The following CAMK2G variants were observed in gnomAD, a reference collection of about 807,000 sequenced individuals.
The protein encoded by CAMK2G is calcium/calmodulin dependent protein kinase II gamma, also known as calcium/calmodulin-dependent protein kinase type II subunit gamma.
Under a neutral mutation model 88.7 loss-of-function variants are expected in CAMK2G, and 23 were observed. That is an observed-to-expected ratio of 0.26 (90% CI 0.19 to 0.37). CAMK2G has a LOEUF of 0.37. CAMK2G is among the 10% of genes least tolerant of loss of function. CAMK2G has a pLI of 1.00. For missense variants in CAMK2G, 476 were observed against 780.8 expected (o/e 0.61, Z 4.65); for synonymous variants, 263 against 294.8 (o/e 0.89, Z 1.11).
chr10:73,816,233 C>G lies in CAMK2G; in HGVS notation c.1534+790G>C, dbSNP rs1245928878. 3.0e-6 allele frequency: 3 copies of G among 988,218 alleles called. No individual in the cohort carries two copies. In the African/African-American group the frequency reaches 5.2e-5, roughly 17 times the overall value. The allele number at this position is 988,218 out of a possible 1,614,324, so 61.2% of individuals were successfully genotyped here. ...ACTGTCCAGAATGTACACCCCACCC[C>G]CTATACAAGACGTCTGCCTTCCTCC... On this transcript the variant is annotated intron_variant, in intron 21 of 22. Transcript: ENST00000423381.
chr10:73,858,946 G>A lies in CAMK2G; in HGVS notation c.220+1884C>T, dbSNP rs950978889. 4.6e-5 allele frequency among the ~76,000 whole-genome samples: 7 copies of A among 152,204 alleles called. No individual in the cohort carries two copies. The East Asian group carries it at 1.2e-3, about 25-fold the overall frequency. On this transcript the variant is annotated intron_variant, in intron 3 of 22. Coordinates refer to ENST00000423381, the MANE Select transcript of CAMK2G (RefSeq NM_001367534.1). ...CGCCCATGGTCAACCCGCCCGCATC[G>A]CGGGTGATGTGGACATGGTTCTGCT...
intron 14 of CAMK2G, among the ~76,000 whole-genome samples, chr10:73,830,975 A>C (rs1341881978): frequency 1.3e-5 from 2 of 152,194 alleles, no homozygotes; most frequent in African/African-American, 4.8e-5. Flanking sequence ...ATGATGCTGA[A>C]AGCTCAAGAC....
chr10:73,860,563 G>A (rs944961856), intron 3 of CAMK2G, among the ~76,000 whole-genome samples: 1 of 152,176 alleles, frequency 6.6e-6, no homozygotes, highest in African/African-American at 2.4e-5. Flanking sequence ...CCCAAAGACA[G>A]AAGGAGAAAG....
At position 73,847,293 on chromosome 10, in the gene CAMK2G, G is replaced by A. The variant is rs574207682; in HGVS notation, c.751C>T (p.Gln251Ter). 1 of 1,614,084 alleles carries A rather than the reference G, an allele frequency of 6.2e-7. No individual in the cohort carries two copies. The highest frequency in any genetic ancestry group is 8.5e-7 in the Non-Finnish European group (1 of 1,179,922). The change falls in exon 10 of 23, where the codon CAG (glutamine) becomes TAG (stop). Residue 251 changes from glutamine (Q) to a stop codon, truncating the protein, a stop_gained. Coordinates refer to ENST00000423381, the MANE Select transcript of CAMK2G (RefSeq NM_001367534.1). LOFTEE classifies it high-confidence loss of function. ...VTPEAKNLINQMLTINPAKRI... is the reference protein window; with the variant it reads ...VTPEAKNLIN ...TTTGCTGGGTTTATGGTCAGCATCT[G>A]GTTGATCAAGTTCTTGGCTTCAGGA... is the stretch of plus-strand genomic sequence containing the variant.
chr10:73,822,021 T>C (rs2089035636), intron 17 of CAMK2G, among the ~76,000 whole-genome samples: 1 of 152,192 alleles, frequency 6.6e-6, no homozygotes, highest in Admixed American at 6.5e-5. Flanking sequence ...AATAAAATCT[T>C]CTGGTTCTGC....
intron 1 of CAMK2G, chr10:73,873,651 A>C: frequency 2.6e-6 from 1 of 386,114 alleles, no homozygotes; most frequent in South Asian, 1.1e-4. Context: ...GACATCAAGA[A>C]CTCCCCTTCC....
At chr10:73,854,175 A>C (rs1341506889) in intron 3 of CAMK2G, among the ~76,000 whole-genome samples, 1 of 152,170 alleles carries the variant, frequency 6.6e-6, no homozygotes, top group Non-Finnish European at 1.5e-5. Flanking sequence ...CTGGCATCCA[A>C]AAGAAAGACC....
intron 9 of CAMK2G, 38 bp from the exon 10 acceptor site, chr10:73,847,385 T>C (rs2094322381): frequency 1.2e-6 from 2 of 1,611,228 alleles, no homozygotes; most frequent in Admixed American, 3.3e-5. Flanking sequence ...GTGGTATTGG[T>C]GAGCTTCATA....
chr10:73,838,399 T>C (rs143197254), intron 13 of CAMK2G, among the ~76,000 whole-genome samples: 2 of 152,344 alleles, frequency 1.3e-5, no homozygotes, highest in Non-Finnish European at 2.9e-5. Context: ...ACTTAACCTC[T>C]CTGAGCCTCA....
At chr10:73,824,149 C>T (rs1403733195) in intron 16 of CAMK2G, 65 bp from the exon 17 acceptor site, 2 of 1,258,468 alleles carry the variant, frequency 1.6e-6, no homozygotes, top group Non-Finnish European at 2.3e-6. Context: ...CCCTGAGGAG[C>T]CCCACCTGCA....
chr10:73,819,769 G>T, intron 18 of CAMK2G, 124 bp from the exon 19 acceptor site: 1 of 622,248 alleles, frequency 1.6e-6, no homozygotes, highest in Non-Finnish European at 2.8e-6. Flanking sequence ...GGGGCAAGGG[G>T]ACGCCTCGCC....
intron 2 of CAMK2G, 108 bp from the exon 3 acceptor site, chr10:73,860,997 AT>A: frequency 1.3e-6 from 1 of 798,382 alleles, no homozygotes; most frequent in Non-Finnish European, 2.2e-6. Flanking sequence ...ATTTGTGATG[AT>A]TTGCTGAAGT....
chr10:73,813,769 A>G lies in CAMK2G; in HGVS notation c.*749T>C, dbSNP rs1460939948. On this transcript the variant is annotated 3_prime_UTR_variant, in exon 23 of 23. Transcript: ENST00000423381. ...TGCATCCTATAGAAATGGATGAGTG[A>G]GTGCATGTCAGACTAACACGAGGTT... 1 of 152,700 alleles carries G rather than the reference A, an allele frequency of 6.5e-6. No individual in the cohort carries two copies. The highest frequency in any genetic ancestry group is 6.5e-5 in the Admixed American group (1 of 15,282). 9.5% of individuals were successfully genotyped at this position (152,700 alleles called of 1,614,324 possible). A position where few individuals can be genotyped will look rare whatever the true frequency, so the allele number is the denominator to read the frequency against.
In CAMK2G at chr10:73,825,300, G is replaced by A. The variant is rs766739636; in HGVS notation, c.1134C>T (p.Pro378=). 10 of 1,613,814 alleles carry A rather than the reference G, an allele frequency of 6.2e-6. No individual in the cohort carries two copies. Among genetic ancestry groups the A allele is most frequent in the Middle Eastern group, 1.7e-4 (1 of 6,060 alleles). Reference sequence around the variant, plus strand: ...GTACCATGGCCGTCTGCAAGGGCGCGGGCTCTTGGGCTGGGCTTACGAGAC... The same window carrying A: ...GTACCATGGCCGTCTGCAAGGGCGCAGGCTCTTGGGCTGGGCTTACGAGAC... ...KNSLVSPAQE[P]APLQTAMEPQ... The change falls in exon 16 of 23, where the codon CCC becomes CCT. Residue 378 remains proline, a synonymous_variant. Transcript: ENST00000423381.
intron 3 of CAMK2G, among the ~76,000 whole-genome samples, chr10:73,856,333 CAG>C (rs2095036566): frequency 6.6e-6 from 1 of 152,176 alleles, no homozygotes; most frequent in South Asian, 2.1e-4. Context: ...CCTGATATTG[CAG>C]AGTTGCTTGG....
intron 2 of CAMK2G, among the ~76,000 whole-genome samples, chr10:73,868,466 A>G (rs11000797): frequency 0.16 from 24,322 of 152,260 alleles, 2,177 homozygotes; most frequent in South Asian, 0.25. Flanking sequence ...CTTTGCACAG[A>G]GGGACCTGCA....
At chr10:73,830,446 A>G (rs1032545428) in intron 14 of CAMK2G, among the ~76,000 whole-genome samples, 1 of 152,230 alleles carries the variant, frequency 6.6e-6, no homozygotes, top group African/African-American at 2.4e-5. Context: ...TAAATGCCAG[A>G]TGATTTCTAA....
intron 19 of CAMK2G, chr10:73,818,935 C>T (rs531311164): frequency 4.9e-6 from 2 of 412,296 alleles, no homozygotes; most frequent in Non-Finnish European, 1.0e-5. Context: ...CCCATCGAGG[C>T]ACCGTATCAA....
intron 4 of CAMK2G, 87 bp downstream of exon 4, chr10:73,853,104 TG>T: frequency 8.0e-7 from 1 of 1,247,552 alleles, no homozygotes; most frequent in Non-Finnish European, 1.2e-6. Context: ...GGGCGGAGGC[TG>T]GAGAGCCTGT....
Sources: gnomAD v4.1 joint callset for allele counts (sites outside exome capture counted in the v4.1 genomes callset) on GRCh38, gnomAD v4.1.1 for gene constraint, MANE v1.5 for transcripts, NCBI Gene and HGNC (gene_info 2026-07-23, HGNC 2026-07-21) for gene names.